COL4A2: variants seen among roughly 807,000 people sequenced by gnomAD.
COL4A2 encodes collagen type IV alpha 2 chain, also known as collagen alpha-2(IV) chain.
In COL4A2, 99 loss-of-function variants were observed where a neutral mutation model predicts 200.2. The observed-to-expected ratio is 0.49, with a 90% CI of 0.42 to 0.58. The LOEUF is 0.58. COL4A2 is among the 20% of genes least tolerant of loss of function. The probability of loss-of-function intolerance (pLI) is 0.00; values close to 1 mark genes in which losing one functional copy is unlikely to be tolerated. For missense variants in COL4A2, 1,950 were observed against 2,314.1 expected, an observed-to-expected ratio of 0.84 and a Z score of 3.23; for synonymous variants, 897 against 900.6, an observed-to-expected ratio of 1.00 and a Z score of 0.07.
chr13:110,505,229 A>T (rs540444936), intron 45 of COL4A2, among the ~76,000 whole-genome samples: 2 of 152,072 alleles, frequency 1.3e-5, no homozygotes, highest in Non-Finnish European at 2.9e-5. Flanking sequence ...GGGCGCCAGT[A>T]GTCCCAGCTA....
chr13:110,489,847 C>T (rs1883228356), intron 36 of COL4A2, 62 bp downstream of exon 36: 8 of 1,514,212 alleles, frequency 5.3e-6, no homozygotes, highest in Non-Finnish European at 6.2e-6. Flanking sequence ...TGTCTAGGAG[C>T]CCGACTTGCC....
rs1391182355 is a variant in COL4A2 at position 110,503,431 on chromosome 13, C to T, written c.4088C>T (p.Ala1363Val). Residue 1363 changes from alanine (A) to valine (V), a missense_variant, in exon 43 of 48, where the codon GCG becomes GTG. This residue lies in a region of COL4A2 where 1,385 missense variants were observed against 1,720.5 expected (regional missense o/e 0.80). Transcript: ENST00000360467. ...ATGGGGAACACTGGACCCACTGGGGCGGTGGGCGACAGAGGCCCCAAGGGA... is the reference window on the plus strand; with the variant it reads ...ATGGGGAACACTGGACCCACTGGGGTGGTGGGCGACAGAGGCCCCAAGGGA... ...GFMGNTGPTGAVGDRGPKGPK... is the reference protein window; with the variant it reads ...GFMGNTGPTGVVGDRGPKGPK... The T allele has an allele frequency of 4.4e-6, 7 of 1,589,654 alleles. No homozygotes were observed. The highest frequency in any genetic ancestry group is 1.3e-5 in the African/African-American group (1 of 74,482).
intron 3 of COL4A2, among the ~76,000 whole-genome samples, chr13:110,328,791 C>T (rs1004511121): frequency 2.6e-5 from 4 of 152,182 alleles, no homozygotes; most frequent in Admixed American, 1.3e-4. Flanking sequence ...GAGATCCTAG[C>T]GGATCCAAAG....
At chr13:110,430,246 A>G in intron 8 of COL4A2, 155 bp from the exon 9 acceptor site, 3 of 860,602 alleles carry the variant, frequency 3.5e-6, no homozygotes, top group Non-Finnish European at 4.9e-6. Context: ...ACTAAATAAC[A>G]ATATTAGTAA....
intron 4 of COL4A2, among the ~76,000 whole-genome samples, chr13:110,401,635 A>C (rs1012096994): frequency 8.5e-5 from 13 of 152,242 alleles, no homozygotes; most frequent in African/African-American, 3.1e-4. Context: ...ACCAGCTTAC[A>C]TCCACCTATA....
chr13:110,491,390 A>T, intron 37 of COL4A2, 50 bp downstream of exon 37: 1 of 1,277,366 alleles, frequency 7.8e-7, no homozygotes, highest in Non-Finnish European at 1.1e-6. Context: ...CCCTCCGGAG[A>T]CCCCAGAACA....
chr13:110,481,741 C>T (rs1256586612), intron 31 of COL4A2, among the ~76,000 whole-genome samples: 5 of 33,268 alleles, frequency 1.5e-4, no homozygotes, highest in Non-Finnish European at 2.6e-4. Flanking sequence ...TCTGTCCCTC[C>T]GTTGCTGGAG....
At chr13:110,434,560 C>CA (rs1880802244) in intron 12 of COL4A2, 118 bp downstream of exon 12, 3 of 1,013,592 alleles carry the variant, frequency 3.0e-6, no homozygotes, top group Non-Finnish European at 4.5e-6. Flanking sequence ...GATCTGCAGA[C>CA]AGACCATTTG....
At chr13:110,411,049 G>A (rs573154851) in intron 4 of COL4A2, among the ~76,000 whole-genome samples, 6 of 152,188 alleles carry the variant, frequency 3.9e-5, no homozygotes, top group African/African-American at 1.4e-4. Context: ...GGCCTGTGGG[G>A]TTACTGCAGG....
intron 6 of COL4A2, among the ~76,000 whole-genome samples, chr13:110,426,104 C>T (rs1235278156): frequency 2.0e-5 from 3 of 152,192 alleles, no homozygotes; most frequent in Non-Finnish European, 4.4e-5. Context: ...AATGAAGAAT[C>T]TGCACAACCC....
chr13:110,410,017 C>T (rs1161817686), intron 4 of COL4A2, among the ~76,000 whole-genome samples: 1 of 152,206 alleles, frequency 6.6e-6, no homozygotes, highest in African/African-American at 2.4e-5. Flanking sequence ...CAGCATCAGA[C>T]ACTCGGTGTT....
intron 12 of COL4A2, among the ~76,000 whole-genome samples, chr13:110,435,531 C>T (rs1204094191): frequency 6.6e-6 from 1 of 152,232 alleles, no homozygotes; most frequent in Non-Finnish European, 1.5e-5. Context: ...TATGGAGTAT[C>T]ACTTTCTGCA....
chr13:110,470,812 C>T (rs1031132236), intron 28 of COL4A2, among the ~76,000 whole-genome samples: 1 of 152,200 alleles, frequency 6.6e-6, no homozygotes, highest in African/African-American at 2.4e-5. Context: ...AGTGTCTGTC[C>T]GTCCCTGATA....
At chr13:110,393,250 T>C (rs961340862) in intron 4 of COL4A2, among the ~76,000 whole-genome samples, 1 of 152,222 alleles carries the variant, frequency 6.6e-6, no homozygotes, top group African/African-American at 2.4e-5. Context: ...TTAAAGGCTA[T>C]TTAAGGGAAA....
chr13:110,477,892 C>A, intron 29 of COL4A2, 111 bp from the exon 30 acceptor site: 1 of 1,111,290 alleles, frequency 9.0e-7, no homozygotes, highest in South Asian at 3.1e-5. Flanking sequence ...TCTCTAGAGT[C>A]CAGAAAAGCA....
At chr13:110,457,572 C>A in intron 21 of COL4A2, 137 bp downstream of exon 21, 1 of 710,390 alleles carries the variant, frequency 1.4e-6, no homozygotes, top group Non-Finnish European at 2.6e-6. Context: ...AGCCTCCTGT[C>A]CCCTTGGCGG....
At chr13:110,445,419 C>G (rs919308628) in intron 16 of COL4A2, among the ~76,000 whole-genome samples, 1 of 152,162 alleles carries the variant, frequency 6.6e-6, no homozygotes, top group African/African-American at 2.4e-5. Context: ...TAATGACTCA[C>G]GTGGAGGAAA....
chr13:110,434,300 G>T (rs978357806), intron 11 of COL4A2, 101 bp from the exon 12 acceptor site: 3 of 1,031,332 alleles, frequency 2.9e-6, no homozygotes. Flanking sequence ...CAGTAAAGTT[G>T]CCGATAAATA....
rs543089626 is a variant in COL4A2 at position 110,476,423 on chromosome 13, C to T, written c.2426-1580C>T. Among the ~76,000 whole-genome samples the T allele has an allele frequency of 6.6e-4, 100 of 152,350 alleles. 1 individual carries two copies. The South Asian group carries it at 0.019, about 29-fold the overall frequency. ...TCTTAGAGAATCTCATTTCAGACCT[C>T]GGCTTCGAGTGCGCCTCCTGCTCAG... On this transcript the variant is annotated intron_variant, in intron 29 of 47. Coordinates refer to ENST00000360467, the MANE Select transcript of COL4A2 (RefSeq NM_001846.4).
Sources: allele counts gnomAD v4.1 joint callset (sites outside exome capture counted in the v4.1 genomes callset), GRCh38; gene constraint gnomAD v4.1.1; regional missense constraint gnomAD v4.1.1; transcripts MANE v1.5; gene names NCBI Gene and HGNC (gene_info 2026-07-23, HGNC 2026-07-21).